Variants in MAB21L3 observed in about 807,000 individuals in gnomAD.
MAB21L3 encodes mab-21 like 3.
In MAB21L3, 36 loss-of-function variants were observed where a neutral mutation model predicts 37.7. That is an observed-to-expected ratio of 0.96 (90% confidence interval 0.73 to 1.26). MAB21L3 has a LOEUF of 1.26. MAB21L3 is among the 50% of genes most tolerant of loss of function. MAB21L3 has a pLI of 0.00. For synonymous variants in MAB21L3, 186 were observed against 176.8 expected, an observed-to-expected ratio of 1.05 and a Z score of -0.41; for missense variants, 430 against 447.3, an observed-to-expected ratio of 0.96 and a Z score of 0.35.
In MAB21L3 at chr1:116,128,250, C is replaced by T. The variant is rs142265484; in HGVS notation, c.766C>T (p.Arg256Cys). ...ACAGCTGGATGAAGATGGGGGCTGCCGTAGGAAGTGTTTTCAGGTCATGAG... is the reference window on the plus strand; with the variant it reads ...ACAGCTGGATGAAGATGGGGGCTGCTGTAGGAAGTGTTTTCAGGTCATGAG... ...LEQLDEDGGC[R>C]RKCFQVMRHL... The change falls in exon 7 of 8, where the codon CGT becomes TGT. Residue 256 changes from arginine (R) to cysteine (C), a missense_variant. Transcript: ENST00000369500. 416 of 1,614,044 alleles carry T rather than the reference C, an allele frequency of 2.6e-4. 1 individual carries two copies. In the African/African-American group the frequency reaches 4.1e-3, roughly 16 times the overall value.
chr1:116,112,854 T>A (rs1300297940), intron 3 of MAB21L3, among the ~76,000 whole-genome samples, 191 bp downstream of exon 3: 1 of 152,156 alleles, frequency 6.6e-6, no homozygotes, highest in Non-Finnish European at 1.5e-5. Flanking sequence ...GAGGGTCTGG[T>A]ACCCAGAGAC....
intron 3 of MAB21L3, among the ~76,000 whole-genome samples, chr1:116,116,811 T>C (rs542750796): frequency 3.9e-5 from 6 of 152,210 alleles, no homozygotes; most frequent in African/African-American, 1.4e-4. Flanking sequence ...TGGTTCTAGG[T>C]CTCAAAAAGC....
chr1:116,125,811 T>G (rs76262870), intron 5 of MAB21L3, among the ~76,000 whole-genome samples: 2,317 of 149,876 alleles, frequency 0.015, 117 homozygotes, highest in African/African-American at 0.056. Flanking sequence ...CTTAGAGAGA[T>G]TAAGTCACTT....
At chr1:116,121,177 A>G in intron 4 of MAB21L3, 105 bp downstream of exon 4, 1 of 1,126,364 alleles carries the variant, frequency 8.9e-7, no homozygotes, top group East Asian at 2.6e-5. Context: ...AATACTCATA[A>G]CAATTCTTGT....
chr1:116,117,932 G>A (rs756508720), intron 3 of MAB21L3, among the ~76,000 whole-genome samples: 3 of 151,966 alleles, frequency 2.0e-5, no homozygotes, highest in Non-Finnish European at 4.4e-5. Context: ...GACTCCTTTT[G>A]GGTGGGAAAT....
chr1:116,120,948 A>G lies in MAB21L3; in HGVS notation c.65A>G (p.Gln22Arg), dbSNP rs761983772. The G allele has an allele frequency of 6.2e-7, 1 of 1,614,182 alleles. No individual in the cohort carries two copies. Among genetic ancestry groups the G allele is most frequent in the Non-Finnish European group, 8.5e-7 (1 of 1,180,014 alleles). Residue 22 changes from glutamine (Q) to arginine (R), a missense_variant, in exon 4 of 8, where the codon CAG becomes CGG. By Grantham distance (43) the Gln-to-Arg change is conservative. Transcript: ENST00000369500. The stretch of plus-strand genomic sequence containing the variant: ...CACACCCAGGTGGACTTGAGGCGCC[A>G]GCAGATTTCCCAGGCTGTGGAGGAG... ...CLLNKVDLRR[Q>R]QISQAVEEVQ...
chr1:116,127,487 A>T lies in MAB21L3; in HGVS notation c.503A>T (p.Asn168Ile). The part of the protein sequence containing the change: ...HLSGKVSLLG[N>I]RSAVWVAVET... ...CCAGGTAAGGTCAGCCTGCTAGGAA[A>T]CCGCTCTGCAGTTTGGGTTGCTGTG... The change falls in exon 6 of 8, where the codon AAC becomes ATC. Residue 168 changes from asparagine to isoleucine, a missense_variant. Asn to Ile is a moderately radical substitution (Grantham distance 149). Coordinates refer to ENST00000369500, the MANE Select transcript of MAB21L3 (RefSeq NM_152367.3). The T allele has an allele frequency of 1.2e-6, 2 of 1,613,908 alleles. No individual in the cohort carries two copies. The highest frequency in any genetic ancestry group is 1.7e-6 in the Non-Finnish European group (2 of 1,179,906).
At chr1:116,132,257 G>T (rs1390381349) in intron 7 of MAB21L3, among the ~76,000 whole-genome samples, 1 of 152,176 alleles carries the variant, frequency 6.6e-6, no homozygotes, top group Non-Finnish European at 1.5e-5. Context: ...AGAGGGCCTA[G>T]AATTGAGCCT....
intron 3 of MAB21L3, among the ~76,000 whole-genome samples, chr1:116,120,402 TACAC>T (rs750221425): frequency 0.027 from 2,429 of 91,652 alleles, 33 homozygotes; most frequent in Non-Finnish European, 0.034. Context: ...TATTACATTA[TACAC>T]ACACACACAC....
intron 3 of MAB21L3, among the ~76,000 whole-genome samples, chr1:116,118,542 T>C (rs745521235): frequency 6.6e-6 from 1 of 152,154 alleles, no homozygotes. Flanking sequence ...TCAGACTCCA[T>C]GGACATTTGG....
chr1:116,121,136 TCA>T, intron 4 of MAB21L3, 64 bp downstream of exon 4: 1 of 1,505,482 alleles, frequency 6.6e-7, no homozygotes, highest in East Asian at 2.3e-5. Flanking sequence ...CAGGTGAATC[TCA>T]GTGTGTGACA....
intron 4 of MAB21L3, among the ~76,000 whole-genome samples, chr1:116,121,686 C>T (rs139197355): frequency 6.6e-6 from 1 of 152,300 alleles, no homozygotes; most frequent in African/African-American, 2.4e-5. Flanking sequence ...CACTGAGAAG[C>T]TGCAGGAGCA....
chr1:116,123,670 T>A (rs1185446070), intron 4 of MAB21L3, among the ~76,000 whole-genome samples: 1 of 152,220 alleles, frequency 6.6e-6, no homozygotes, highest in East Asian at 1.9e-4. Context: ...GCAAGAAAGC[T>A]CACCTTACTG....
chr1:116,121,147 C>A, intron 4 of MAB21L3, 75 bp downstream of exon 4: 1 of 1,406,248 alleles, frequency 7.1e-7, no homozygotes, highest in Non-Finnish European at 9.8e-7. Flanking sequence ...CAGTGTGTGA[C>A]AGATGCTTGC....
At chr1:116,115,568 G>C (rs762424711) in intron 3 of MAB21L3, among the ~76,000 whole-genome samples, 8 of 152,170 alleles carry the variant, frequency 5.3e-5, no homozygotes, top group Non-Finnish European at 1.2e-4. Context: ...CATTGGGAAT[G>C]ACATACACAT....
chr1:116,120,085 G>A (rs1370184355), intron 3 of MAB21L3, among the ~76,000 whole-genome samples: 2 of 152,066 alleles, frequency 1.3e-5, no homozygotes, highest in Non-Finnish European at 2.9e-5. Flanking sequence ...CCATGGTAGA[G>A]TCTCACCATG....
At chr1:116,121,266 C>CT (rs551070708) in intron 4 of MAB21L3, among the ~76,000 whole-genome samples, 194 bp downstream of exon 4, 1 of 152,222 alleles carries the variant, frequency 6.6e-6, no homozygotes, top group South Asian at 2.1e-4. Context: ...TGCCTTATGC[C>CT]TATAATCCCA....
chr1:116,117,158 C>CATATAT (rs773287860), intron 3 of MAB21L3, among the ~76,000 whole-genome samples: 1,243 of 85,924 alleles, frequency 0.014, 62 homozygotes, highest in African/African-American at 0.066. Context: ...TCAAAATATA[C>CATATAT]ATACATATAT....
At chr1:116,133,058 G>A in intron 7 of MAB21L3, 74 bp from the exon 8 acceptor site, 2 of 1,245,534 alleles carry the variant, frequency 1.6e-6, no homozygotes, top group Non-Finnish European at 2.3e-6. Context: ...GGCCACATAA[G>A]CTCAATAATT....
Sources: gnomAD v4.1 joint callset for allele counts (sites outside exome capture counted in the v4.1 genomes callset) on GRCh38, gnomAD v4.1.1 for gene constraint, MANE v1.5 for transcripts, NCBI Gene and HGNC (gene_info 2026-07-23, HGNC 2026-07-21) for gene names.